The following AK8 variants were observed in gnomAD, a reference collection of about 807,000 sequenced individuals.
The protein encoded by AK8 is adenylate kinase 8, also known as ATP-AMP transphosphorylase 8.
AK8 carries 44 observed loss-of-function variants against 54.6 expected under a neutral mutation model. The observed-to-expected ratio is 0.81, with a 90% CI of 0.63 to 1.04. AK8 has a LOEUF of 1.04. Ranked by LOEUF, AK8 falls within the 50% of genes least tolerant of loss-of-function variation. AK8 has a pLI of 0.00. For synonymous variants in AK8, 239 were observed against 245.6 expected (o/e 0.97, Z 0.25); for missense variants, 555 against 613.6 (o/e 0.90, Z 1.01).
intron 11 of AK8, chr9:132,769,207 G>C (rs929485599): frequency 1.3e-5 from 2 of 152,368 alleles, no homozygotes; most frequent in East Asian, 1.9e-4. Flanking sequence ...GCACAGTCCA[G>C]GCACCACCCT....
chr9:132,731,328 T>C (rs1836835693), intron 11 of AK8, among the ~76,000 whole-genome samples: 1 of 152,152 alleles, frequency 6.6e-6, no homozygotes, highest in Non-Finnish European at 1.5e-5. Context: ...ATTTTATGTG[T>C]CACCTTGACT....
chr9:132,726,607 G>A (rs1162327837), intron 12 of AK8, among the ~76,000 whole-genome samples: 1 of 152,162 alleles, frequency 6.6e-6, no homozygotes, highest in African/African-American at 2.4e-5. Flanking sequence ...ATGTTTATCT[G>A]CACTGAGTCC....
intron 11 of AK8, among the ~76,000 whole-genome samples, chr9:132,739,922 T>C (rs574544): frequency 0.84 from 128,430 of 152,284 alleles, 54,258 homozygotes; most frequent in Admixed American, 0.89. Flanking sequence ...CCTTACCTTG[T>C]GGGGCAAAGT....
Position 132,790,242 on chromosome 9 carries a change from C to T in AK8, c.1121+2392G>A, listed in dbSNP as rs530000248. 4.0e-5 allele frequency among the ~76,000 whole-genome samples: 6 copies of T among 151,662 alleles called. No individual in the cohort carries two copies. The highest frequency in any genetic ancestry group is 4.2e-4 in the South Asian group (2 of 4,804). On this transcript the variant is annotated intron_variant, in intron 11 of 12. Coordinates refer to ENST00000298545, the MANE Select transcript of AK8 (RefSeq NM_152572.3). This position sits in a 1 kb window ranked among gnomAD's most constrained non-coding sequence, Gnocchi z 4.1. The stretch of plus-strand genomic sequence containing the variant: ...AACATTAACTAGAGATTTTAAATCA[C>T]GGAGCTATACTTCTTTTTTTTTTTT...
chr9:132,754,671 C>T lies in AK8; in HGVS notation c.1122-27137G>A, dbSNP rs539885871. On this transcript the variant is annotated intron_variant, in intron 11 of 12. Coordinates refer to ENST00000298545, the MANE Select transcript of AK8 (RefSeq NM_152572.3). ...GTTGAGCCAAGGGCAGCTTCTCCTC[C>T]TCTCCCTCCCCTAGCCATGCCTATC... Among the ~76,000 whole-genome samples, 19 of 152,272 alleles carry T rather than the reference C, an allele frequency of 1.2e-4. No individual in the cohort carries two copies. In the East Asian group the frequency reaches 3.5e-3, roughly 28 times the overall value.
intron 11 of AK8, among the ~76,000 whole-genome samples, chr9:132,771,413 A>C (rs1170977794): frequency 6.6e-6 from 1 of 152,126 alleles, no homozygotes; most frequent in Non-Finnish European, 1.5e-5. Context: ...TGTTTTTACG[A>C]GATTCTGTTT....
intron 5 of AK8, among the ~76,000 whole-genome samples, chr9:132,839,618 G>C (rs370253962): frequency 1.3e-5 from 2 of 152,130 alleles, no homozygotes; most frequent in East Asian, 3.9e-4. Context: ...AGCAGGCCTA[G>C]CTTTTGTTAG....
chr9:132,728,318 A>T (rs1330334793), intron 11 of AK8, among the ~76,000 whole-genome samples: 1 of 151,942 alleles, frequency 6.6e-6, no homozygotes, highest in Non-Finnish European at 1.5e-5. Flanking sequence ...TGGGGTTGGG[A>T]CTCCCGGGGA....
chr9:132,823,803 A>AGC (rs1227545655), intron 8 of AK8, among the ~76,000 whole-genome samples: 4 of 152,236 alleles, frequency 2.6e-5, no homozygotes, highest in Non-Finnish European at 5.9e-5. Flanking sequence ...GTGCACCTGA[A>AGC]TGTCAGACAC....
At chr9:132,732,107 T>C (rs949683314) in intron 11 of AK8, among the ~76,000 whole-genome samples, 1 of 152,206 alleles carries the variant, frequency 6.6e-6, no homozygotes, top group African/African-American at 2.4e-5. Flanking sequence ...GCCAATTTTA[T>C]TGTGTAAATT....
intron 12 of AK8, 26 bp from the exon 13 acceptor site, chr9:132,725,951 G>A (rs1226371166): frequency 1.3e-6 from 2 of 1,599,620 alleles, no homozygotes; most frequent in South Asian, 1.1e-5. Flanking sequence ...GAAAGCAGGT[G>A]ACCCATGGCC....
rs1842378135 is a variant in AK8 at position 132,837,594 on chromosome 9, C to T, written c.403-8868G>A. ...CTGCATTTGATCATCTCTTTTTCCT[C>T]TTCTACTGCAGTGAGAGGGATGATC... On this transcript the variant is annotated intron_variant, in intron 5 of 12. Coordinates refer to ENST00000298545, the MANE Select transcript of AK8 (RefSeq NM_152572.3). This position sits in a 1 kb window ranked among gnomAD's most constrained non-coding sequence, Gnocchi z 4.3. Among the ~76,000 whole-genome samples the T allele has an allele frequency of 6.6e-6, 1 of 152,172 alleles. No homozygotes were observed. The highest frequency in any genetic ancestry group is 2.1e-4 in the South Asian group (1 of 4,836).
chr9:132,817,200 C>T (rs1198491294), intron 9 of AK8, among the ~76,000 whole-genome samples: 3 of 152,122 alleles, frequency 2.0e-5, no homozygotes, highest in African/African-American at 7.2e-5. Context: ...CACTCTACTC[C>T]CACTTAACAA....
chr9:132,805,154 G>A (rs1414857426), intron 10 of AK8, among the ~76,000 whole-genome samples: 1 of 152,182 alleles, frequency 6.6e-6, no homozygotes, highest in African/African-American at 2.4e-5. Flanking sequence ...CGCACTGGCG[G>A]TTTGCTCTTC....
chr9:132,814,579 A>G (rs932203167), intron 10 of AK8, 59 bp downstream of exon 10: 1 of 1,527,634 alleles, frequency 6.5e-7, no homozygotes, highest in Middle Eastern at 1.8e-4. Flanking sequence ...GAGCCGCACA[A>G]AAAGAAAGTT....
chr9:132,837,860 C>T lies in AK8; in HGVS notation c.403-9134G>A, dbSNP rs968319014. 2.6e-5 allele frequency among the ~76,000 whole-genome samples: 4 copies of T among 152,238 alleles called. No individual in the cohort carries two copies. The highest frequency in any genetic ancestry group is 5.9e-5 in the Non-Finnish European group (4 of 68,044). Reference sequence around the variant, plus strand: ...CACCAAGCCCTCAGAAGCCCTGCCTCGCCGTGATGCGGGCCATACGTTTCC... The same window carrying T: ...CACCAAGCCCTCAGAAGCCCTGCCTTGCCGTGATGCGGGCCATACGTTTCC... On this transcript the variant is annotated intron_variant, in intron 5 of 12. Transcript: ENST00000298545. This position sits in a 1 kb window ranked among gnomAD's most constrained non-coding sequence, Gnocchi z 4.3.
At chr9:132,774,710 C>A (rs538657802) in intron 11 of AK8, among the ~76,000 whole-genome samples, 37 of 152,304 alleles carry the variant, frequency 2.4e-4, no homozygotes, top group African/African-American at 8.7e-4. Flanking sequence ...GCGTCTCCAT[C>A]AGAGCTCGAT....
intron 11 of AK8, among the ~76,000 whole-genome samples, chr9:132,789,597 C>CAAAAAAAAAAAAAA (rs578003731): frequency 1.1e-3 from 61 of 57,376 alleles, no homozygotes; most frequent in Middle Eastern, 0.021. Context: ...ACTCATCTCA[C>CAAAAAAAAAAAAAA]AAAAAAAAAA....
intron 11 of AK8, among the ~76,000 whole-genome samples, chr9:132,772,257 C>T (rs1403248163): frequency 6.6e-6 from 1 of 152,236 alleles, no homozygotes; most frequent in Non-Finnish European, 1.5e-5. Context: ...AACTACCAGA[C>T]TCATAGCCCG....
Sources: allele counts gnomAD v4.1 joint callset (sites outside exome capture counted in the v4.1 genomes callset), GRCh38; gene constraint gnomAD v4.1.1; non-coding constraint Gnocchi (gnomAD v3.1); transcripts MANE v1.5; gene names NCBI Gene and HGNC (gene_info 2026-07-23, HGNC 2026-07-21).